PIBF1: variants seen among roughly 807,000 people sequenced by gnomAD.
PIBF1 encodes the protein progesterone-induced-blocking factor 1.
PIBF1 carries 90 observed loss-of-function variants against 112.5 expected under a neutral mutation model. That is an observed-to-expected ratio of 0.80 (90% CI 0.67 to 0.95). PIBF1 has a LOEUF of 0.95. Among genes scored for constraint, PIBF1 ranks in the 40% least tolerant of loss-of-function variants. The pLI is 0.00. For synonymous variants in PIBF1, 301 were observed against 288.6 expected (o/e 1.04, Z -0.44); for missense variants, 915 against 852.3 (o/e 1.07, Z -0.92).
chr13:72,995,377 C>A (rs1346748854), intron 16 of PIBF1, among the ~76,000 whole-genome samples: 1 of 151,818 alleles, frequency 6.6e-6, no homozygotes, highest in East Asian at 1.9e-4. Context: ...AAGAATACAG[C>A]CAGAAAAATA....
At chr13:72,964,507 T>C (rs1468989477) in intron 14 of PIBF1, among the ~76,000 whole-genome samples, 1 of 152,202 alleles carries the variant, frequency 6.6e-6, no homozygotes, top group Non-Finnish European at 1.5e-5. Context: ...TTAAAACACA[T>C]TTGTCAAAAA....
chr13:72,914,214 T>C (rs1360176825), intron 12 of PIBF1, among the ~76,000 whole-genome samples: 1 of 152,226 alleles, frequency 6.6e-6, no homozygotes, highest in Non-Finnish European at 1.5e-5. Context: ...AGCCTTCATT[T>C]ATTAAGGTGT....
At chr13:72,983,875 CG>C (rs1457863927) in intron 16 of PIBF1, among the ~76,000 whole-genome samples, 2 of 152,012 alleles carry the variant, frequency 1.3e-5, no homozygotes, top group Non-Finnish European at 2.9e-5. Context: ...AACTACTGAG[CG>C]GGTAAATTAA....
At chr13:72,841,816 G>A (rs987027262) in intron 9 of PIBF1, among the ~76,000 whole-genome samples, 2 of 152,060 alleles carry the variant, frequency 1.3e-5, no homozygotes, top group Non-Finnish European at 1.5e-5. Context: ...AGGGTGGCCC[G>A]TGAGGTCTAA....
At chr13:72,820,927 C>G (rs1178918244) in intron 5 of PIBF1, among the ~76,000 whole-genome samples, 1 of 152,066 alleles carries the variant, frequency 6.6e-6, no homozygotes, top group Non-Finnish European at 1.5e-5. Flanking sequence ...TTATTATATA[C>G]CTGGCAGTGT....
chr13:72,959,527 G>A (rs1297961778), intron 14 of PIBF1, among the ~76,000 whole-genome samples: 1 of 152,058 alleles, frequency 6.6e-6, no homozygotes, highest in Non-Finnish European at 1.5e-5. Context: ...ATTCCACTCA[G>A]CAGTATTCAT....
chr13:72,997,827 T>G (rs2043729547), intron 16 of PIBF1, among the ~76,000 whole-genome samples: 1 of 152,064 alleles, frequency 6.6e-6, no homozygotes, highest in African/African-American at 2.4e-5. Context: ...TAGCCTGTCA[T>G]CTCTCCATAT....
chr13:72,941,756 T>G (rs1464564733), intron 14 of PIBF1, among the ~76,000 whole-genome samples: 1 of 152,206 alleles, frequency 6.6e-6, no homozygotes, highest in Non-Finnish European at 1.5e-5. Context: ...ATGTATTAAC[T>G]TTGAAAGAAA....
chr13:72,901,315 G>A (rs892541450), intron 11 of PIBF1, among the ~76,000 whole-genome samples: 4 of 152,098 alleles, frequency 2.6e-5, no homozygotes, highest in Non-Finnish European at 5.9e-5. Flanking sequence ...GCTCAACATT[G>A]CTAATGATTG....
intron 16 of PIBF1, among the ~76,000 whole-genome samples, chr13:72,976,973 C>T (rs1404382172): frequency 1.3e-5 from 2 of 152,132 alleles, no homozygotes; most frequent in African/African-American, 4.8e-5. Context: ...AGAACATGGA[C>T]GGCCCCTGGG....
chr13:72,854,350 T>G (rs1327953606), intron 10 of PIBF1, among the ~76,000 whole-genome samples, 195 bp downstream of exon 10: 1 of 152,254 alleles, frequency 6.6e-6, no homozygotes, highest in Non-Finnish European at 1.5e-5. Flanking sequence ...GCAATTGCTT[T>G]ATTTTTACAA....
intron 16 of PIBF1, among the ~76,000 whole-genome samples, chr13:72,985,622 A>C (rs1304276520): frequency 6.6e-6 from 1 of 152,162 alleles, no homozygotes; most frequent in Non-Finnish European, 1.5e-5. Context: ...TTATAGTCAT[A>C]ATTCTGTTAG....
intron 9 of PIBF1, among the ~76,000 whole-genome samples, chr13:72,844,728 TACACACACACACACACACACAC>T (rs1156334355): frequency 0.023 from 1,198 of 53,220 alleles, 29 homozygotes; most frequent in Middle Eastern, 0.032. Context: ...TAATTTTATT[TACACACACACACACACACACAC>T]ACACACACAC....
intron 5 of PIBF1, among the ~76,000 whole-genome samples, chr13:72,801,450 A>G (rs778450257): frequency 6.6e-6 from 1 of 152,206 alleles, no homozygotes; most frequent in Non-Finnish European, 1.5e-5. Flanking sequence ...CATAAAATGT[A>G]CACAAATCTA....
chr13:73,013,271 A>G (rs1171251109), intron 17 of PIBF1, among the ~76,000 whole-genome samples: 1 of 141,710 alleles, frequency 7.1e-6, no homozygotes, highest in Admixed American at 7.0e-5. Flanking sequence ...ACTGCACTCC[A>G]GCCTGGGCGA....
At chr13:72,968,204 A>G (rs911047552) in intron 15 of PIBF1, among the ~76,000 whole-genome samples, 1 of 152,004 alleles carries the variant, frequency 6.6e-6, no homozygotes, top group Non-Finnish European at 1.5e-5. Flanking sequence ...AAAATTCTAC[A>G]TCAGTGCTGT....
intron 11 of PIBF1, among the ~76,000 whole-genome samples, chr13:72,908,048 T>C (rs777522709): frequency 6.6e-6 from 1 of 152,192 alleles, no homozygotes; most frequent in Non-Finnish European, 1.5e-5. Context: ...GCTTTGAATT[T>C]ATGACTGTTC....
intron 5 of PIBF1, among the ~76,000 whole-genome samples, chr13:72,811,567 G>T (rs113403278): frequency 5.5e-5 from 8 of 144,980 alleles, no homozygotes; most frequent in African/African-American, 1.8e-4. Flanking sequence ...TTGCTCTCTA[G>T]CCTGGGTGAC....
chr13:72,798,933 AAT>A (rs1451058096), intron 5 of PIBF1, among the ~76,000 whole-genome samples: 1 of 152,200 alleles, frequency 6.6e-6, no homozygotes, highest in African/African-American at 2.4e-5. Context: ...TAACTCTCAT[AAT>A]ATTTATTCTG....
Sources: gnomAD v4.1 joint callset for allele counts (sites outside exome capture counted in the v4.1 genomes callset) on GRCh38, gnomAD v4.1.1 for gene constraint, MANE v1.5 for transcripts, NCBI Gene and HGNC (gene_info 2026-07-23, HGNC 2026-07-21) for gene names.